BCL11A: variants seen among roughly 807,000 people sequenced by gnomAD.
The protein encoded by BCL11A is B cell CLL/lymphoma 11A.
BCL11A carries 2 observed loss-of-function variants against 55.9 expected under a neutral mutation model. The ratio of observed to expected loss-of-function variants is 0.04; its 90% CI spans 0.01 to 0.11. The LOEUF (loss-of-function observed/expected upper bound fraction) is 0.11. BCL11A is among the 10% of genes least tolerant of loss of function. The pLI, the probability that BCL11A is intolerant of heterozygous loss-of-function variation, is 1.00. For missense variants in BCL11A, 817 were observed against 1,137.1 expected (o/e 0.72, Z 4.05); for synonymous variants, 465 against 473.4 (o/e 0.98, Z 0.23).
downstream of BCL11A, chr2:60,452,696 G>A (rs1215455126): frequency 2.8e-5 from 41 of 1,487,404 alleles, no homozygotes; most frequent in African/African-American, 5.7e-5. Context: ...AGAGGAGGGG[G>A]AAAAAAAAAG....
chr2:60,474,259 AC>A (rs1278261552), intron 2 of BCL11A, among the ~76,000 whole-genome samples: 5 of 152,154 alleles, frequency 3.3e-5, no homozygotes, highest in African/African-American at 1.2e-4. Flanking sequence ...TCAGGCCTAA[AC>A]AAAATTTTTC....
chr2:60,475,744 T>A (rs1677556631), intron 2 of BCL11A, among the ~76,000 whole-genome samples: 1 of 152,100 alleles, frequency 6.6e-6, no homozygotes, highest in African/African-American at 2.4e-5. Context: ...GGGAGGGGTG[T>A]AGCCTTGCCT....
chr2:60,548,556 C>G (rs1280778555), intron 1 of BCL11A, among the ~76,000 whole-genome samples: 2 of 151,860 alleles, frequency 1.3e-5, no homozygotes, highest in Non-Finnish European at 2.9e-5. Context: ...CACATTTCAC[C>G]TAATTAATTT....
intron 2 of BCL11A, among the ~76,000 whole-genome samples, chr2:60,489,649 C>A (rs887403191): frequency 7.2e-5 from 11 of 152,294 alleles, no homozygotes; most frequent in Middle Eastern, 6.8e-3. Flanking sequence ...AGGTTCTTTC[C>A]CCTCTAGGAC....
chr2:60,528,713 T>A (rs1376116592), intron 2 of BCL11A, among the ~76,000 whole-genome samples: 1 of 152,252 alleles, frequency 6.6e-6, no homozygotes, highest in Non-Finnish European at 1.5e-5. Flanking sequence ...TAACCCTTGA[T>A]GAACCCCAAT....
intron 1 of BCL11A, chr2:60,550,851 T>C (rs1001886477): frequency 5.0e-6 from 2 of 398,570 alleles, no homozygotes; most frequent in East Asian, 3.6e-5. Context: ...AACACTGCCC[T>C]TCCTTCCCGC....
rs1287433173 is a variant in BCL11A at position 60,546,568 on chromosome 2, T to C, written c.56-268A>G. On this transcript the variant is annotated intron_variant, in intron 1 of 3. Transcript: ENST00000642384. This position sits in a 1 kb window ranked among gnomAD's most constrained non-coding sequence, Gnocchi z 4.1. ...ACTCCAGAGAACACACACACACACA[T>C]ATACCCATGCACACACCCACAGCAA... Among the ~76,000 whole-genome samples the C allele has an allele frequency of 6.6e-6, 1 of 151,844 alleles. No homozygotes were observed. The highest frequency in any genetic ancestry group is 2.4e-5 in the African/African-American group (1 of 41,312).
At chr2:60,551,178 G>A (rs192236989) in intron 1 of BCL11A, among the ~76,000 whole-genome samples, 51 of 152,340 alleles carry the variant, frequency 3.3e-4, no homozygotes, top group African/African-American at 1.2e-3. Flanking sequence ...AGTAGGGGGG[G>A]AATGTGGGCC....
chr2:60,522,537 A>T (rs1256585489), intron 2 of BCL11A: 2 of 152,228 alleles, frequency 1.3e-5, no homozygotes, highest in Non-Finnish European at 2.9e-5. Flanking sequence ...CACACTCTCT[A>T]AAAAGGGCCT....
At position 60,457,274 on chromosome 2, in the gene BCL11A, AAC is replaced by A; in HGVS notation, c.*3128_*3129del. The A allele has an allele frequency of 1.8e-5, 18 of 1,016,470 alleles. No individual in the cohort carries two copies. The highest frequency in any genetic ancestry group is 2.1e-5 in the Non-Finnish European group (18 of 847,804). 63.0% of individuals were successfully genotyped at this position (1,016,470 alleles called of 1,614,324 possible). ...GGTTAATGCAGACAACTGCCAAAAA[AAC>A]ACAGACAGTGGTTTTTCCAATAGAA... On this transcript the variant is annotated 3_prime_UTR_variant, in exon 4 of 4. Transcript: ENST00000642384.
At chr2:60,550,982 G>GTTT in intron 1 of BCL11A, 1 of 362,232 alleles carries the variant, frequency 2.8e-6, no homozygotes. Context: ...GGGGTGGGGA[G>GTTT]AGGGAGGGCC....
chr2:60,553,366 A>G lies in BCL11A; in HGVS notation c.-96T>C. The G allele has an allele frequency of 7.7e-7, 1 of 1,293,326 alleles. No individual in the cohort carries two copies. The highest frequency in any genetic ancestry group is 1.1e-6 in the Non-Finnish European group (1 of 937,806). 80.1% of individuals were successfully genotyped at this position (1,293,326 alleles called of 1,614,324 possible). On this transcript the variant is annotated 5_prime_UTR_variant, in exon 1 of 4. Coordinates refer to ENST00000642384, the MANE Select transcript of BCL11A (RefSeq NM_022893.4). ...GGAGAGCCGGGTTAGAAAGAAGGAG[A>G]CTCCAGAGAAAATATCTTCATCAGT...
intron 2 of BCL11A, chr2:60,533,647 G>A (rs925836061): frequency 8.5e-5 from 13 of 152,096 alleles, no homozygotes; most frequent in South Asian, 2.1e-4. Context: ...ATGATAGTGC[G>A]TGTGGAATCA....
At chr2:60,452,660 G>A, downstream of BCL11A, 1 of 1,613,162 alleles carries the variant, frequency 6.2e-7, no homozygotes, top group Non-Finnish European at 8.5e-7. Context: ...GGGGGTGTGT[G>A]AAGAACCTAG....
intron 2 of BCL11A, among the ~76,000 whole-genome samples, chr2:60,529,965 A>G (rs952198649): frequency 5.3e-5 from 8 of 152,340 alleles, no homozygotes; most frequent in Non-Finnish European, 1.0e-4. Context: ...GGGAAATTCA[A>G]TTACTTCGCC....
intron 1 of BCL11A, among the ~76,000 whole-genome samples, chr2:60,550,264 G>C (rs927803090): frequency 1.3e-5 from 2 of 152,214 alleles, no homozygotes; most frequent in African/African-American, 2.4e-5. Flanking sequence ...GTCTCAGCTC[G>C]CGCACGGGGG....
intron 2 of BCL11A, among the ~76,000 whole-genome samples, chr2:60,516,405 C>T (rs1483191154): frequency 2.0e-5 from 3 of 152,206 alleles, no homozygotes; most frequent in Non-Finnish European, 4.4e-5. Context: ...TTATGAACAG[C>T]TCTCCCCCTG....
At chr2:60,547,748 A>ACTG (rs1240102693) in intron 1 of BCL11A, among the ~76,000 whole-genome samples, 17 of 152,180 alleles carry the variant, frequency 1.1e-4, no homozygotes, top group Non-Finnish European at 2.4e-4. Flanking sequence ...ACTCAGGTTA[A>ACTG]ATTTATTTCA....
downstream of BCL11A, chr2:60,457,082 T>G (rs1277829438): frequency 2.0e-5 from 4 of 202,092 alleles, no homozygotes; most frequent in Non-Finnish European, 3.6e-5. Context: ...CGCATCAGAA[T>G]GCCCATAGAA....
Sources: allele counts gnomAD v4.1 joint callset (sites outside exome capture counted in the v4.1 genomes callset), GRCh38; gene constraint gnomAD v4.1.1; non-coding constraint Gnocchi (gnomAD v3.1); transcripts MANE v1.5; gene names NCBI Gene and HGNC (gene_info 2026-07-23, HGNC 2026-07-21).